Variants in NREP observed in about 807,000 individuals in gnomAD.
NREP encodes neuronal regeneration related protein, also known as neuronal regeneration-related protein.
NREP carries 5 observed loss-of-function variants against 8.6 expected under a neutral mutation model. The observed-to-expected ratio is 0.58, with a 90% confidence interval of 0.30 to 1.22. The LOEUF is 1.22. Among genes scored for constraint, NREP ranks in the 50% most tolerant of loss-of-function variants. The pLI, the probability that NREP is intolerant of heterozygous loss-of-function variation, is 0.07. For synonymous variants in NREP, 27 were observed against 28.0 expected (o/e 0.96, Z 0.11); for missense variants, 86 against 82.5 (o/e 1.04, Z -0.17).
intron 2 of NREP, among the ~76,000 whole-genome samples, chr5:111,820,237 T>C (rs1366555897): frequency 1.3e-5 from 2 of 152,170 alleles, no homozygotes; most frequent in Admixed American, 1.3e-4. Flanking sequence ...AAAGTGCTTG[T>C]GTACAGGATG....
chr5:111,733,950 C>G (rs1325964448), intron 3 of NREP: 1 of 152,140 alleles, frequency 6.6e-6, no homozygotes, highest in Non-Finnish European at 1.5e-5. Flanking sequence ...CAGAAGGGAA[C>G]TTCTGGAAAA....
intron 2 of NREP, among the ~76,000 whole-genome samples, chr5:111,836,447 GTC>G (rs1207472681): frequency 1.3e-5 from 2 of 152,034 alleles, no homozygotes; most frequent in Non-Finnish European, 2.9e-5. Context: ...GGAAGAGCAA[GTC>G]TCTTCTGAGG....
intron 2 of NREP, among the ~76,000 whole-genome samples, chr5:111,868,971 A>G (rs186830584): frequency 1.1e-4 from 17 of 152,278 alleles, no homozygotes; most frequent in Non-Finnish European, 4.4e-5. Flanking sequence ...TACTATTTTT[A>G]AAGGCACCCA....
intron 2 of NREP, among the ~76,000 whole-genome samples, chr5:111,763,750 CTGTATGTGTGTG>C (rs978915460): frequency 2.8e-5 from 3 of 107,208 alleles, no homozygotes; most frequent in African/African-American, 1.3e-4. Context: ...CCCAGTACGT[CTGTATGTGTGTG>C]TGTGTGTGTG....
intron 2 of NREP, among the ~76,000 whole-genome samples, chr5:111,783,991 A>C (rs1035083302): frequency 3.9e-5 from 6 of 152,210 alleles, no homozygotes; most frequent in Admixed American, 1.3e-4. Context: ...TAAGTTTGGG[A>C]TAAGACTTTA....
At chr5:111,930,758 T>C (rs1401763663) in intron 2 of NREP, among the ~76,000 whole-genome samples, 3 of 152,296 alleles carry the variant, frequency 2.0e-5, no homozygotes, top group Middle Eastern at 3.4e-3. Flanking sequence ...ATCTCTGGTC[T>C]AAGTCACTCA....
chr5:111,975,544 C>T (rs573740267), intron 1 of NREP, among the ~76,000 whole-genome samples: 1 of 152,210 alleles, frequency 6.6e-6, no homozygotes, highest in African/African-American at 2.4e-5. Flanking sequence ...TCCATGAAGA[C>T]TCTTTTGAGA....
At chr5:111,753,754 C>G (rs1750526978) in intron 2 of NREP, among the ~76,000 whole-genome samples, 1 of 152,040 alleles carries the variant, frequency 6.6e-6, no homozygotes, top group Non-Finnish European at 1.5e-5. Context: ...TGTATGTGGG[C>G]TAAGTCTTCA....
At chr5:111,875,637 C>T (rs868642547) in intron 2 of NREP, among the ~76,000 whole-genome samples, 5 of 152,148 alleles carry the variant, frequency 3.3e-5, no homozygotes, top group African/African-American at 1.2e-4. Context: ...AAACATCATT[C>T]AGAAACAATC....
chr5:111,762,968 A>G (rs887913340), intron 2 of NREP, among the ~76,000 whole-genome samples: 4 of 152,220 alleles, frequency 2.6e-5, no homozygotes, highest in African/African-American at 9.7e-5. Flanking sequence ...TTGCTTACAT[A>G]TGTGTATAAA....
At chr5:111,854,641 A>ACCC (rs1454458798) in intron 2 of NREP, among the ~76,000 whole-genome samples, 2 of 152,208 alleles carry the variant, frequency 1.3e-5, no homozygotes, top group African/African-American at 4.8e-5. Context: ...TGTGAAAAAT[A>ACCC]GTTCTAATCA....
intron 2 of NREP, among the ~76,000 whole-genome samples, chr5:111,948,648 C>T (rs906424205): frequency 5.3e-5 from 8 of 152,010 alleles, no homozygotes; most frequent in South Asian, 2.1e-4. Flanking sequence ...GAAAAAATTT[C>T]GAAACACCAG....
chr5:111,971,488 G>A (rs1198130796), intron 2 of NREP, among the ~76,000 whole-genome samples: 1 of 152,168 alleles, frequency 6.6e-6, no homozygotes, highest in East Asian at 1.9e-4. Flanking sequence ...CAAAGCTAGA[G>A]TAAACAAATT....
intron 2 of NREP, among the ~76,000 whole-genome samples, chr5:111,770,131 C>A (rs1460395311): frequency 6.6e-6 from 1 of 152,136 alleles, no homozygotes; most frequent in Non-Finnish European, 1.5e-5. Flanking sequence ...CTATTGTAAA[C>A]CTTCTGCTGG....
At chr5:111,936,576 C>A (rs184409252) in intron 2 of NREP, among the ~76,000 whole-genome samples, 53 of 152,196 alleles carry the variant, frequency 3.5e-4, no homozygotes, top group Non-Finnish European at 5.3e-4. Flanking sequence ...ATATCTGCAA[C>A]AATCCTATTT....
intron 2 of NREP, among the ~76,000 whole-genome samples, chr5:111,764,514 A>ACT (rs1206073045): frequency 6.6e-6 from 1 of 152,188 alleles, no homozygotes; most frequent in East Asian, 1.9e-4. Context: ...TTATAAAACC[A>ACT]TTAGATCTTG....
At chr5:111,734,535 T>C in intron 3 of NREP, 2 of 442,908 alleles carry the variant, frequency 4.5e-6, no homozygotes. Flanking sequence ...TTTCTTTCAG[T>C]GCAAACTGCC....
chr5:111,832,839 C>T (rs999976214), intron 2 of NREP, among the ~76,000 whole-genome samples: 6 of 152,186 alleles, frequency 3.9e-5, no homozygotes, highest in African/African-American at 1.4e-4. Context: ...AAATGCCACC[C>T]AGGTGGTACC....
chr5:111,747,267 T>C (rs1750068231), intron 2 of NREP, among the ~76,000 whole-genome samples: 1 of 152,174 alleles, frequency 6.6e-6, no homozygotes. Context: ...TCTCCTAATT[T>C]CTACTCTTTC....
Sources: allele counts gnomAD v4.1 joint callset (sites outside exome capture counted in the v4.1 genomes callset), GRCh38; gene constraint gnomAD v4.1.1; transcripts MANE v1.5; gene names NCBI Gene and HGNC (gene_info 2026-07-23, HGNC 2026-07-21).